The following CCDC60 variants were observed in gnomAD, a reference collection of about 807,000 sequenced individuals.
The protein encoded by CCDC60 is coiled-coil domain containing 60.
Under a neutral mutation model 63.5 loss-of-function variants are expected in CCDC60, and 54 were observed. That is an observed-to-expected ratio of 0.85 (90% CI 0.68 to 1.07). The LOEUF is 1.07. Among genes scored for constraint, CCDC60 ranks in the 50% least tolerant of loss-of-function variants. The pLI is 0.00. For missense variants in CCDC60, 651 were observed against 684.3 expected (o/e 0.95, Z 0.54); for synonymous variants, 206 against 238.8 (o/e 0.86, Z 1.27).
At chr12:119,395,448 G>A (rs1478820152) in intron 1 of CCDC60, among the ~76,000 whole-genome samples, 1 of 152,198 alleles carries the variant, frequency 6.6e-6, no homozygotes, top group Non-Finnish European at 1.5e-5. Flanking sequence ...ACCAAATGGG[G>A]AAGAGAGAGA....
intron 13 of CCDC60, among the ~76,000 whole-genome samples, chr12:119,532,655 G>A (rs1952885893): frequency 6.6e-6 from 1 of 151,952 alleles, no homozygotes; most frequent in Non-Finnish European, 1.5e-5. Context: ...CCACTTATGA[G>A]TGAGAACATG....
At chr12:119,482,020 T>C (rs1951334938) in intron 4 of CCDC60, among the ~76,000 whole-genome samples, 2 of 146,412 alleles carry the variant, frequency 1.4e-5, no homozygotes, top group Admixed American at 1.4e-4. Flanking sequence ...TATATATATG[T>C]ATATATGTGT....
chr12:119,486,774 C>T (rs935956989), intron 4 of CCDC60, among the ~76,000 whole-genome samples: 4 of 151,298 alleles, frequency 2.6e-5, no homozygotes, highest in African/African-American at 7.3e-5. Context: ...AAGGATTAGC[C>T]GGGATAACCC....
intron 1 of CCDC60, among the ~76,000 whole-genome samples, chr12:119,374,291 T>C (rs1192813381): frequency 6.6e-6 from 1 of 152,144 alleles, no homozygotes. Flanking sequence ...ATATAATGTA[T>C]TACACCACTC....
At chr12:119,482,159 TACAC>T (rs142480132) in intron 4 of CCDC60, among the ~76,000 whole-genome samples, 3 of 145,316 alleles carry the variant, frequency 2.1e-5, no homozygotes, top group Admixed American at 1.4e-4. Context: ...CACACACACA[TACAC>T]ACACACACAC....
chr12:119,527,847 T>A (rs1029915478), intron 11 of CCDC60, among the ~76,000 whole-genome samples: 7 of 151,338 alleles, frequency 4.6e-5, no homozygotes, highest in Non-Finnish European at 8.8e-5. Flanking sequence ...CGGCTAATTT[T>A]TTTTTGTATT....
At chr12:119,417,801 A>G (rs1763754006) in intron 1 of CCDC60, among the ~76,000 whole-genome samples, 1 of 152,238 alleles carries the variant, frequency 6.6e-6, no homozygotes, top group African/African-American at 2.4e-5. Context: ...CCTCAGGGGC[A>G]TGGGTCCTAC....
At chr12:119,455,983 GAGAAAGAGAGAGAGAAAGAGAAAGAA>G (rs1258698040) in intron 2 of CCDC60, among the ~76,000 whole-genome samples, 5 of 123,076 alleles carry the variant, frequency 4.1e-5, no homozygotes, top group African/African-American at 1.6e-4. Flanking sequence ...GGGAGGGAGA[GAGAAAGAGAGAGAGAAAGAGAAAGAA>G]AGAAAGAAAG....
chr12:119,382,185 T>C (rs1265841966), intron 1 of CCDC60, among the ~76,000 whole-genome samples: 1 of 152,232 alleles, frequency 6.6e-6, no homozygotes, highest in Non-Finnish European at 1.5e-5. Flanking sequence ...CTCTTTCCCT[T>C]GTCAATGTTC....
At chr12:119,375,021 T>A (rs539708327) in intron 1 of CCDC60, among the ~76,000 whole-genome samples, 51 of 152,282 alleles carry the variant, frequency 3.3e-4, no homozygotes, top group South Asian at 2.5e-3. Flanking sequence ...TTGTGACCCA[T>A]ATCTTGTGAT....
chr12:119,387,244 A>C (rs1361012243), intron 1 of CCDC60, among the ~76,000 whole-genome samples: 1 of 152,150 alleles, frequency 6.6e-6, no homozygotes, highest in Non-Finnish European at 1.5e-5. Context: ...TCATTTGAGG[A>C]TCTGAAGAGA....
chr12:119,399,149 G>A (rs189665063), intron 1 of CCDC60, among the ~76,000 whole-genome samples: 2 of 152,164 alleles, frequency 1.3e-5, no homozygotes, highest in African/African-American at 4.8e-5. Context: ...ATCAATTCAA[G>A]AGGCCCCAGT....
At chr12:119,378,230 A>G (rs1955974053) in intron 1 of CCDC60, among the ~76,000 whole-genome samples, 1 of 152,198 alleles carries the variant, frequency 6.6e-6, no homozygotes, top group Non-Finnish European at 1.5e-5. Context: ...TGGTTGACAA[A>G]GAAAAGGGAA....
rs2136196485 is a variant in CCDC60 at position 119,410,771 on chromosome 12, C to A, written c.91-17912C>A. Among the ~76,000 whole-genome samples, 1 of 152,304 alleles carries A rather than the reference C, an allele frequency of 6.6e-6. No individual in the cohort carries two copies. The highest frequency in any genetic ancestry group is 1.5e-5 in the Non-Finnish European group (1 of 68,018). On this transcript the variant is annotated intron_variant, in intron 1 of 13. Coordinates refer to ENST00000327554, the MANE Select transcript of CCDC60 (RefSeq NM_178499.5). The surrounding 1 kb of genome is among the most constrained non-coding windows in gnomAD (Gnocchi z 4.0). The stretch of plus-strand genomic sequence containing the variant: ...ATAACAATTTTTTTTGAGACAGAGT[C>A]TCGCTCTGTCACTCGGGCTGCAGTG...
At chr12:119,356,273 G>T (rs1955717260) in intron 1 of CCDC60, among the ~76,000 whole-genome samples, 1 of 152,208 alleles carries the variant, frequency 6.6e-6, no homozygotes, top group Non-Finnish European at 1.5e-5. Context: ...GAATATCTGA[G>T]ATGAGGTGTT....
At chr12:119,394,462 C>T (rs950899041) in intron 1 of CCDC60, among the ~76,000 whole-genome samples, 5 of 152,222 alleles carry the variant, frequency 3.3e-5, no homozygotes, top group Admixed American at 6.5e-5. Context: ...CAGGCAAGGA[C>T]ATACTCCGTG....
rs139622845 is a variant in CCDC60, at chr12:119,479,175, T to C, written c.423T>C (p.Ile141=). 3.1e-3 allele frequency: 5,056 copies of C among 1,613,916 alleles called. 13 individuals are homozygous for C. Among genetic ancestry groups the C allele is most frequent in the Non-Finnish European group, 3.8e-3 (4,456 of 1,179,862 alleles). The change falls in exon 4 of 14, where the codon ATT becomes ATC. Residue 141 remains isoleucine, a synonymous_variant. Coordinates refer to ENST00000327554, the MANE Select transcript of CCDC60 (RefSeq NM_178499.5). Reference sequence around the variant, plus strand: ...TCACTCCCATCCACAGCTGCATCATTTCTCCCTCGCTAACCGAGGCTCACG... The same window carrying C: ...TCACTCCCATCCACAGCTGCATCATCTCTCCCTCGCTAACCGAGGCTCACG... ...RPFTPIHSCI[I]SPSLTEAHVE... is the part of the protein sequence containing the mutation.
chr12:119,520,240 A>G (rs754272405), intron 9 of CCDC60, 48 bp downstream of exon 9: 4 of 1,517,054 alleles, frequency 2.6e-6, no homozygotes, highest in Non-Finnish European at 3.7e-6. Flanking sequence ...GGCAGCCCAC[A>G]CTTACAGGGG....
chr12:119,390,375 A>G (rs753042132), intron 1 of CCDC60, among the ~76,000 whole-genome samples: 1 of 152,246 alleles, frequency 6.6e-6, no homozygotes, highest in Non-Finnish European at 1.5e-5. Flanking sequence ...GGTACTTACT[A>G]TAATAACTAA....
Sources: allele counts gnomAD v4.1 joint callset (sites outside exome capture counted in the v4.1 genomes callset), GRCh38; gene constraint gnomAD v4.1.1; non-coding constraint Gnocchi (gnomAD v3.1); transcripts MANE v1.5; gene names NCBI Gene and HGNC (gene_info 2026-07-23, HGNC 2026-07-21).